MED15: variants seen among roughly 807,000 people sequenced by gnomAD.
The protein encoded by MED15 is mediator complex subunit 15.
In MED15, 41 loss-of-function variants were observed where a neutral mutation model predicts 118.7. The observed-to-expected ratio is 0.35, with a 90% CI of 0.27 to 0.45. The LOEUF is 0.45. MED15 is among the 20% of genes least tolerant of loss of function. MED15 has a pLI of 1.00. For synonymous variants in MED15, 436 were observed against 413.9 expected, an observed-to-expected ratio of 1.05 and a Z score of -0.65; for missense variants, 740 against 1,025.5, an observed-to-expected ratio of 0.72 and a Z score of 3.80.
rs760285807 is a variant in MED15 at position 20,566,583 on chromosome 22, A to C, written c.807A>C (p.Pro269=). 18 of 1,613,594 alleles carry C rather than the reference A, an allele frequency of 1.1e-5. No homozygotes were observed. The highest frequency in any genetic ancestry group is 1.5e-5 in the Non-Finnish European group (18 of 1,179,852). ...QQQQALQAQP[P]IQQPPMQQPQ... is the part of the protein sequence containing the mutation. ...AGCAGGCTTTGCAGGCCCAGCCACC[A>C]ATTCAGCAGCCACCGATGCAGCAGC... Residue 269 remains proline, a synonymous_variant, in exon 7 of 18, where the codon CCA becomes CCC. Coordinates refer to ENST00000263205, the MANE Select transcript of MED15 (RefSeq NM_001003891.3).
At chr22:20,530,671 A>C (rs924462600) in intron 1 of MED15, among the ~76,000 whole-genome samples, 3 of 152,208 alleles carry the variant, frequency 2.0e-5, no homozygotes, top group Non-Finnish European at 2.9e-5. Flanking sequence ...TTGTGGAAGG[A>C]AGAGTCAGGG....
At chr22:20,580,254 G>A (rs1179154019) in intron 9 of MED15, among the ~76,000 whole-genome samples, 1 of 152,144 alleles carries the variant, frequency 6.6e-6, no homozygotes, top group East Asian at 1.9e-4. Flanking sequence ...GCCGCTTCAG[G>A]GCCAAAGTGG....
intron 1 of MED15, among the ~76,000 whole-genome samples, chr22:20,508,611 C>G (rs1265531687): frequency 6.6e-6 from 1 of 152,048 alleles, no homozygotes; most frequent in South Asian, 2.1e-4. Flanking sequence ...AAAGTACATT[C>G]TCAAGGGTGG....
intron 1 of MED15, among the ~76,000 whole-genome samples, chr22:20,513,140 A>G (rs370133597): frequency 4.6e-5 from 7 of 152,008 alleles, no homozygotes; most frequent in Admixed American, 3.3e-4. Flanking sequence ...TGGTATGATC[A>G]TAGCTCACTG....
intron 1 of MED15, among the ~76,000 whole-genome samples, chr22:20,511,340 C>T (rs1290532461): frequency 2.0e-5 from 3 of 151,630 alleles, no homozygotes; most frequent in Non-Finnish European, 4.4e-5. Flanking sequence ...ACAAATACAA[C>T]AATCAGCTGG....
Position 20,554,981 on chromosome 22 carries a change from G to T in MED15, c.284G>T (p.Gly95Val). Residue 95 changes from glycine to valine, a missense_variant, in exon 5 of 18, where the codon GGA (glycine) becomes GTA (valine). Gly to Val is a moderately radical substitution (Grantham distance 109, BLOSUM62 -3). This residue lies in a region of MED15 where 117 missense variants were observed against 124.6 expected (regional missense o/e 0.94). Coordinates refer to ENST00000263205, the MANE Select transcript of MED15 (RefSeq NM_001003891.3). ...AGCCTGACTGGCGGACCTGCTGCGG[G>T]AGCCGCTGGAATTGGCATGCCTCCT... ...LQSLTGGPAA[G>V]AAGIGMPPRG... The T allele has an allele frequency of 6.2e-7, 1 of 1,611,042 alleles. No individual in the cohort carries two copies. Among genetic ancestry groups the T allele is most frequent in the Non-Finnish European group, 8.5e-7 (1 of 1,180,008 alleles).
At chr22:20,546,068 G>A (rs1395866072) in intron 2 of MED15, among the ~76,000 whole-genome samples, 1 of 152,134 alleles carries the variant, frequency 6.6e-6, no homozygotes, top group African/African-American at 2.4e-5. Flanking sequence ...CAATGGGAAG[G>A]CCTCTTTCAA....
chr22:20,563,880 A>G (rs2056333183), intron 5 of MED15, among the ~76,000 whole-genome samples: 2 of 152,218 alleles, frequency 1.3e-5, no homozygotes, highest in Admixed American at 6.5e-5. Flanking sequence ...TTTTATGTTC[A>G]CCCCAAAAGA....
At chr22:20,564,423 T>A in intron 5 of MED15, 27 bp from the exon 6 acceptor site, 1 of 1,612,932 alleles carries the variant, frequency 6.2e-7, no homozygotes, top group Admixed American at 1.7e-5. Context: ...CCCTGTGGAC[T>A]GACTGGCGAC....
chr22:20,552,560 A>T (rs1295599265), intron 3 of MED15: 1 of 460,918 alleles, frequency 2.2e-6, no homozygotes, highest in Non-Finnish European at 4.5e-6. Flanking sequence ...TGGCTGGTGC[A>T]CACAGTCCTG....
chr22:20,513,427 C>T (rs759620449), intron 1 of MED15, among the ~76,000 whole-genome samples: 23 of 152,060 alleles, frequency 1.5e-4, no homozygotes, highest in African/African-American at 2.2e-4. Context: ...TACAGGCACC[C>T]GCCACCACTC....
At chr22:20,585,973 C>T in intron 17 of MED15, 147 bp downstream of exon 17, 2 of 722,228 alleles carry the variant, frequency 2.8e-6, no homozygotes, top group Non-Finnish European at 4.6e-6. Context: ...CTGGCTCCTC[C>T]TGCACAGACA....
intron 16 of MED15, 22 bp from the exon 17 acceptor site, chr22:20,585,706 G>T: frequency 6.2e-7 from 1 of 1,610,654 alleles, no homozygotes. Context: ...CCAGGTCACA[G>T]ATAGAGCCTT....
intron 8 of MED15, among the ~76,000 whole-genome samples, chr22:20,568,906 G>A (rs1441252021): frequency 3.9e-5 from 6 of 152,258 alleles, no homozygotes; most frequent in African/African-American, 1.4e-4. Flanking sequence ...TTGCCACTCT[G>A]AGTGACTCTG....
At chr22:20,584,216 C>A in intron 13 of MED15, 143 bp from the exon 14 acceptor site, 1 of 803,154 alleles carries the variant, frequency 1.2e-6, no homozygotes, top group Non-Finnish European at 2.1e-6. Flanking sequence ...GCCTTCAACT[C>A]TGGGTCTGGG....
chr22:20,557,612 T>TTTTTAAA (rs1473427850), intron 5 of MED15, among the ~76,000 whole-genome samples: 1 of 152,180 alleles, frequency 6.6e-6, no homozygotes, highest in Non-Finnish European at 1.5e-5. Flanking sequence ...TAATAAATTG[T>TTTTTAAA]TTTTAAATGT....
chr22:20,585,841 A>G lies in MED15; in HGVS notation c.2230+15A>G, dbSNP rs1423120382. The G allele has an allele frequency of 1.9e-6, 3 of 1,611,472 alleles. No individual in the cohort carries two copies. Among genetic ancestry groups the G allele is most frequent in the Non-Finnish European group, 2.5e-6 (3 of 1,179,354 alleles). On this transcript the variant is annotated intron_variant, in intron 17 of 17. Transcript: ENST00000263205. ...GTGGCAGTACGGTAGGTAGACCCAG[A>G]GGAGCTGTCTGGGGACCCAGGGCAA...
At chr22:20,567,855 C>A (rs1393716532) in intron 7 of MED15, among the ~76,000 whole-genome samples, 1 of 152,028 alleles carries the variant, frequency 6.6e-6, no homozygotes, top group Non-Finnish European at 1.5e-5. Context: ...CCAAGTTTGC[C>A]CCCCACCCCC....
chr22:20,509,798 T>C (rs1414356175), intron 1 of MED15, among the ~76,000 whole-genome samples: 1 of 152,060 alleles, frequency 6.6e-6, no homozygotes, highest in African/African-American at 2.4e-5. Context: ...TTGAGAGATA[T>C]CCCACTTCAG....
Sources: allele counts gnomAD v4.1 joint callset (sites outside exome capture counted in the v4.1 genomes callset), GRCh38; gene constraint gnomAD v4.1.1; regional missense constraint gnomAD v4.1.1; transcripts MANE v1.5; gene names NCBI Gene and HGNC (gene_info 2026-07-23, HGNC 2026-07-21).